Variants in GUCY1A2 observed in about 807,000 individuals in gnomAD.
The protein encoded by GUCY1A2 is guanylate cyclase soluble subunit alpha-2.
Under a neutral mutation model 63.5 loss-of-function variants are expected in GUCY1A2, and 27 were observed. The observed-to-expected ratio is 0.43, with a 90% confidence interval of 0.31 to 0.59. GUCY1A2 has a LOEUF of 0.59. Ranked by LOEUF, GUCY1A2 falls within the 20% of genes least tolerant of loss-of-function variation. The pLI, the probability that GUCY1A2 is intolerant of heterozygous loss-of-function variation, is 0.11. For missense variants in GUCY1A2, 768 were observed against 913.3 expected, an observed-to-expected ratio of 0.84 and a Z score of 2.05; for synonymous variants, 364 against 343.5, an observed-to-expected ratio of 1.06 and a Z score of -0.66.
chr11:107,002,590 A>G (rs1257000107), intron 1 of GUCY1A2, among the ~76,000 whole-genome samples: 2 of 152,192 alleles, frequency 1.3e-5, no homozygotes, highest in Non-Finnish European at 2.9e-5. Flanking sequence ...CCCGAAGTCT[A>G]AAGCTATTGA....
At chr11:106,906,646 T>C (rs12806800) in intron 4 of GUCY1A2, among the ~76,000 whole-genome samples, 23,270 of 152,204 alleles carry the variant, frequency 0.15, 2,141 homozygotes, top group South Asian at 0.28. Flanking sequence ...CATATGTTTA[T>C]TGCGGCACTA....
chr11:106,736,261 T>G (rs981339290), intron 6 of GUCY1A2, among the ~76,000 whole-genome samples: 1 of 152,160 alleles, frequency 6.6e-6, no homozygotes, highest in African/African-American at 2.4e-5. Context: ...GTTTCATAGT[T>G]TGAGGTCTAA....
At chr11:106,858,557 T>C (rs1175600959) in intron 4 of GUCY1A2, among the ~76,000 whole-genome samples, 2 of 152,096 alleles carry the variant, frequency 1.3e-5, no homozygotes, top group Non-Finnish European at 2.9e-5. Context: ...GTAGAGGCAG[T>C]AGGATTTAAA....
intron 6 of GUCY1A2, among the ~76,000 whole-genome samples, chr11:106,768,795 A>G (rs1864205671): frequency 2.0e-5 from 3 of 152,166 alleles, no homozygotes. Context: ...CTGGCTCCAG[A>G]AAAGGTAATG....
chr11:106,795,350 A>T (rs1864736711), intron 5 of GUCY1A2, among the ~76,000 whole-genome samples: 1 of 152,212 alleles, frequency 6.6e-6, no homozygotes, highest in African/African-American at 2.4e-5. Flanking sequence ...AGGCGATGAC[A>T]CTAATTATGG....
intron 2 of GUCY1A2, 46 bp from the exon 3 acceptor site, chr11:106,978,786 T>G: frequency 6.8e-7 from 1 of 1,468,546 alleles, no homozygotes; most frequent in Non-Finnish European, 9.4e-7. Flanking sequence ...TTTGAAAGCA[T>G]CTGCGAATGC....
At position 106,939,955 on chromosome 11, in the gene GUCY1A2, G is replaced by A. The variant is rs778378287; in HGVS notation, c.711C>T (p.Leu237=). Reference sequence around the variant, plus strand: ...CAATATGGTGAGGGTGGAAGTAGTGGAGCATGAGAGTACCTTCAGGGAGCT... The same window carrying A: ...CAATATGGTGAGGGTGGAAGTAGTGAAGCATGAGAGTACCTTCAGGGAGCT... The part of the protein sequence containing the change: ...CKELPEGTLM[L]HYFHPHHIVG... Residue 237 remains leucine, a synonymous_variant, in exon 4 of 8, where the codon CTC becomes CTT. Transcript: ENST00000526355. The A allele has an allele frequency of 6.2e-7, 1 of 1,613,828 alleles. No individual in the cohort carries two copies. The highest frequency in any genetic ancestry group is 8.5e-7 in the Non-Finnish European group (1 of 1,179,766).
At chr11:107,016,519 C>G (rs1861825722) in intron 1 of GUCY1A2, among the ~76,000 whole-genome samples, 1 of 152,228 alleles carries the variant, frequency 6.6e-6, no homozygotes, top group Admixed American at 6.5e-5. Flanking sequence ...TGCCTACAAC[C>G]AGGGGGAGTT....
intron 5 of GUCY1A2, among the ~76,000 whole-genome samples, chr11:106,795,465 A>C (rs1328103224): frequency 6.6e-6 from 1 of 152,190 alleles, no homozygotes; most frequent in Non-Finnish European, 1.5e-5. Flanking sequence ...TATAACATTA[A>C]AAATGCTTTG....
intron 6 of GUCY1A2, among the ~76,000 whole-genome samples, chr11:106,722,612 G>A (rs1863335320): frequency 6.6e-6 from 1 of 151,998 alleles, no homozygotes; most frequent in African/African-American, 2.4e-5. Flanking sequence ...CCTGGGCTTT[G>A]AGAAGAAAGC....
chr11:106,923,008 A>G (rs2119910454), intron 4 of GUCY1A2, among the ~76,000 whole-genome samples: 1 of 152,202 alleles, frequency 6.6e-6, no homozygotes, highest in Non-Finnish European at 1.5e-5. Context: ...AATAACATTG[A>G]ATTGCTATGT....
At position 106,767,088 on chromosome 11, in the gene GUCY1A2, A is replaced by G. The variant is rs1191170815; in HGVS notation, c.1836+9351T>C. Among the ~76,000 whole-genome samples, 42 of 152,112 alleles carry G rather than the reference A, an allele frequency of 2.8e-4. 1 individual carries two copies. Among genetic ancestry groups the G allele is most frequent in the Admixed American group, 2.8e-3 (42 of 15,256 alleles). ...GCTAATATAACTTTTAGCCTCTTCTATGGACATTGTATCAGTAGTCTTAGT... is the reference window on the plus strand; with the variant it reads ...GCTAATATAACTTTTAGCCTCTTCTGTGGACATTGTATCAGTAGTCTTAGT... On this transcript the variant is annotated intron_variant, in intron 6 of 7. Transcript: ENST00000526355.
At chr11:106,904,051 T>C (rs1470349142) in intron 4 of GUCY1A2, among the ~76,000 whole-genome samples, 2 of 152,162 alleles carry the variant, frequency 1.3e-5, no homozygotes, top group African/African-American at 2.4e-5. Flanking sequence ...ATAGCTATCA[T>C]AGTCTAACCT....
intron 6 of GUCY1A2, among the ~76,000 whole-genome samples, chr11:106,726,926 G>C (rs1863418585): frequency 6.6e-6 from 1 of 152,312 alleles, no homozygotes; most frequent in African/African-American, 2.4e-5. Context: ...TTACCAAAGA[G>C]TATGTGGCAT....
At chr11:106,994,254 T>C (rs1861507387) in intron 1 of GUCY1A2, among the ~76,000 whole-genome samples, 1 of 152,238 alleles carries the variant, frequency 6.6e-6, no homozygotes, top group South Asian at 2.1e-4. Context: ...ATAATCAATA[T>C]TGTAATTAAG....
chr11:106,783,980 G>T (rs1296721276), intron 5 of GUCY1A2, among the ~76,000 whole-genome samples: 2 of 152,152 alleles, frequency 1.3e-5, no homozygotes, highest in Non-Finnish European at 2.9e-5. Context: ...ACTGTCTCCA[G>T]CTCCAGCCTT....
At chr11:106,930,993 T>C (rs1030067467) in intron 4 of GUCY1A2, among the ~76,000 whole-genome samples, 3 of 152,222 alleles carry the variant, frequency 2.0e-5, no homozygotes, top group African/African-American at 4.8e-5. Context: ...GTAAACAGTG[T>C]TGACCGATAA....
At chr11:106,996,936 C>G (rs1165208021) in intron 1 of GUCY1A2, among the ~76,000 whole-genome samples, 1 of 152,134 alleles carries the variant, frequency 6.6e-6, no homozygotes, top group Non-Finnish European at 1.5e-5. Context: ...CAGATAATGA[C>G]TGCCACATCA....
intron 1 of GUCY1A2, among the ~76,000 whole-genome samples, chr11:107,008,572 C>G (rs539022295): frequency 6.6e-6 from 1 of 152,254 alleles, no homozygotes; most frequent in South Asian, 2.1e-4. Flanking sequence ...ATCATTTATT[C>G]ATTCTTTTAA....
Sources: gnomAD v4.1 joint callset for allele counts (sites outside exome capture counted in the v4.1 genomes callset) on GRCh38, gnomAD v4.1.1 for gene constraint, MANE v1.5 for transcripts, NCBI Gene and HGNC (gene_info 2026-07-23, HGNC 2026-07-21) for gene names.